The following PCNT variants were observed in gnomAD, a reference collection of about 807,000 sequenced individuals.
The protein encoded by PCNT is kendrin.
In PCNT, 319 loss-of-function variants were observed where a neutral mutation model predicts 380.4. The ratio of observed to expected loss-of-function variants is 0.84; its 90% CI spans 0.77 to 0.92. The LOEUF (loss-of-function observed/expected upper bound fraction) is 0.92. Among genes scored for constraint, PCNT ranks in the 40% least tolerant of loss-of-function variants. PCNT has a pLI of 0.00. For synonymous variants in PCNT, 1,845 were observed against 1,735.2 expected (o/e 1.06, Z -1.57); for missense variants, 4,400 against 4,255.3 (o/e 1.03, Z -0.95).
At chr21:46,399,536 T>C in intron 24 of PCNT, 54 bp from the exon 25 acceptor site, 1 of 1,385,716 alleles carries the variant, frequency 7.2e-7, no homozygotes, top group Admixed American at 1.7e-5. Context: ...GTTTGGAAAA[T>C]GGGTTTTTAT....
At chr21:46,428,056 C>T (rs1201631751) in intron 34 of PCNT, among the ~76,000 whole-genome samples, 3 of 152,206 alleles carry the variant, frequency 2.0e-5, no homozygotes, top group Non-Finnish European at 4.4e-5. Flanking sequence ...GCTAAAGAAA[C>T]GTTCTCCATT....
chr21:46,326,700 A>G, intron 2 of PCNT, 111 bp downstream of exon 2: 3 of 1,162,718 alleles, frequency 2.6e-6, no homozygotes, highest in Non-Finnish European at 2.5e-6. Context: ...AAGTGAGGAA[A>G]GAGGGTGTTA....
intron 3 of PCNT, among the ~76,000 whole-genome samples, chr21:46,338,983 T>C (rs1042017282): frequency 6.6e-6 from 1 of 152,210 alleles, no homozygotes; most frequent in African/African-American, 2.4e-5. Context: ...GGTTTCACCA[T>C]GTTGGCCAGG....
intron 3 of PCNT, among the ~76,000 whole-genome samples, chr21:46,342,211 A>AT (rs2083928600): frequency 6.6e-6 from 1 of 152,042 alleles, no homozygotes; most frequent in Admixed American, 6.6e-5. Flanking sequence ...GGCTTAAGTG[A>AT]TTCTCCTGCC....
At chr21:46,370,883 A>T (rs1052582187) in intron 15 of PCNT, among the ~76,000 whole-genome samples, 1 of 152,120 alleles carries the variant, frequency 6.6e-6, no homozygotes, top group Non-Finnish European at 1.5e-5. Flanking sequence ...AAAATACAAA[A>T]AATTAGACAG....
Position 46,381,721 on chromosome 21 carries a change from G to C in PCNT, c.3193G>C (p.Ala1065Pro). The C allele has an allele frequency of 1.9e-6, 3 of 1,614,106 alleles. No homozygotes were observed. Among genetic ancestry groups the C allele is most frequent in the Non-Finnish European group, 2.5e-6 (3 of 1,179,944 alleles). ...TGAATTTGGAAGTGAAAAGAAAACT[G>C]CTTTGCATGAAAAAGAGGAGACACT... ...QGEFGSEKKT[A>P]LHEKEETLRL... Residue 1065 changes from alanine (A) to proline (P), a missense_variant, in exon 16 of 47, where the codon GCT becomes CCT. Transcript: ENST00000359568.
At chr21:46,399,485 T>C in intron 24 of PCNT, 105 bp from the exon 25 acceptor site, 2 of 816,596 alleles carry the variant, frequency 2.4e-6, no homozygotes, top group Non-Finnish European at 4.2e-6. Flanking sequence ...GGGGAGGGCA[T>C]AGGGCATCTA....
intron 2 of PCNT, among the ~76,000 whole-genome samples, chr21:46,327,696 G>A (rs2083436214): frequency 6.6e-6 from 1 of 152,268 alleles, no homozygotes; most frequent in South Asian, 2.1e-4. Context: ...TTTGATGGGT[G>A]TTTCTTGGGA....
At position 46,337,618 on chromosome 21, in the gene PCNT, T is replaced by C. The variant is rs563439959; in HGVS notation, c.639+2850T>C. On this transcript the variant is annotated intron_variant, in intron 3 of 46. Transcript: ENST00000359568. ...GTTTTTTGAGATGGAGTTTCGCTCT[T>C]GTTGCCCAGGCTGGAGTGCAGTGGC... 5.3e-5 allele frequency among the ~76,000 whole-genome samples: 8 copies of C among 152,298 alleles called. No homozygotes were observed. In the East Asian group the frequency reaches 1.5e-3, roughly 29 times the overall value.
At chr21:46,329,440 T>G (rs2083486852) in intron 2 of PCNT, among the ~76,000 whole-genome samples, 3 of 152,252 alleles carry the variant, frequency 2.0e-5, no homozygotes, top group Admixed American at 2.0e-4. Context: ...TTTTTGGTAT[T>G]TCCTACAATA....
intron 13 of PCNT, among the ~76,000 whole-genome samples, chr21:46,361,560 C>G (rs2084717915): frequency 1.3e-5 from 2 of 152,302 alleles, no homozygotes; most frequent in South Asian, 4.1e-4. Context: ...GACTAGACAT[C>G]ACATCCGCCT....
chr21:46,328,334 C>T (rs2083452628), intron 2 of PCNT, among the ~76,000 whole-genome samples: 1 of 151,668 alleles, frequency 6.6e-6, no homozygotes, highest in South Asian at 2.1e-4. Context: ...GCGAACTCTG[C>T]TCAGTGCAAC....
chr21:46,347,192 T>C (rs2084100272), intron 5 of PCNT, among the ~76,000 whole-genome samples, 194 bp downstream of exon 5: 1 of 152,078 alleles, frequency 6.6e-6, no homozygotes, highest in Admixed American at 6.5e-5. Context: ...GGCCAGGAGA[T>C]TATTAGAGCA....
Position 46,355,462 on chromosome 21 carries a change from C to A in PCNT, c.1772C>A (p.Pro591Gln). 1 of 1,613,872 alleles carries A rather than the reference C, an allele frequency of 6.2e-7. No homozygotes were observed. The highest frequency in any genetic ancestry group is 8.5e-7 in the Non-Finnish European group (1 of 1,180,020). ...LEPERHKESL[P>Q]RFQAELEESH... ...GTGGTTTCTCTGTAGGAGAGCCTGC[C>A]ACGCTTCCAGGCGGAGTTAGAAGAA... The change falls in exon 12 of 47, where the codon CCA becomes CAA. Residue 591 changes from proline to glutamine, a missense_variant. Transcript: ENST00000359568.
Position 46,442,382 on chromosome 21 carries a change from C to T in PCNT, c.9624-115C>T, listed in dbSNP as rs762521520. On this transcript the variant is annotated intron_variant, in intron 43 of 46. Transcript: ENST00000359568. The stretch of plus-strand genomic sequence containing the variant: ...GACTGGCCGACCTTGGCGTCCTGGT[C>T]CCCATGGGCAGCGAGGCCCCCATTC... 10 of 724,210 alleles carry T rather than the reference C, an allele frequency of 1.4e-5. No homozygotes were observed. The East Asian group carries it at 1.6e-4, about 12-fold the overall frequency. The allele number at this position is 724,210 out of a possible 1,614,324, so 44.9% of individuals were successfully genotyped here. A position where few individuals can be genotyped will look rare whatever the true frequency, so the allele number is the denominator to read the frequency against.
chr21:46,416,679 G>A lies in PCNT; in HGVS notation c.6761G>A (p.Cys2254Tyr), dbSNP rs141635334. ...VTPHSGALSL[C>Y]SADTSLGDRA... is the part of the protein sequence containing the mutation. ...CCCCACTCAGGAGCCCTGAGCCTGT[G>A]CAGTGCCGACACATCCCTGGGGGAC... The change falls in exon 30 of 47, where the codon TGC becomes TAC. Residue 2254 changes from cysteine to tyrosine, a missense_variant. By Grantham distance (194) the Cys-to-Tyr change is radical. Coordinates refer to ENST00000359568, the MANE Select transcript of PCNT (RefSeq NM_006031.6). 6.6e-4 allele frequency: 1,028 copies of A among 1,565,204 alleles called. 12 individuals are homozygous for A. Among genetic ancestry groups the A allele is most frequent in the Non-Finnish European group, 1.6e-4 (188 of 1,156,238 alleles).
rs1174601545 is a variant in PCNT at position 46,412,835 on chromosome 21, A to C, written c.5995-2A>C. On this transcript the variant is annotated splice_acceptor_variant, in intron 28 of 46. Transcript: ENST00000359568. LOFTEE classifies it high-confidence loss of function. ...CAGCTTTCCTCTGTCTCCTCTGTCA[A>C]GGGTGATCTGCAGCCTGTCCTGGTG... 17 of 1,611,094 alleles carry C rather than the reference A, an allele frequency of 1.1e-5. No individual in the cohort carries two copies. In the South Asian group the frequency reaches 1.6e-4, roughly 16 times the overall value.
rs533124864 is a variant in PCNT, at chr21:46,352,671, C to T, written c.1457-433C>T. 1.4e-4 allele frequency among the ~76,000 whole-genome samples: 22 copies of T among 152,318 alleles called. No homozygotes were observed. In the South Asian group the frequency reaches 3.7e-3, roughly 26 times the overall value. ...TGGTGGCCTAAAACAACACAGTTGT[C>T]AGCTTACAGAAAGTCCAAGATGGTA... On this transcript the variant is annotated intron_variant, in intron 9 of 46. Coordinates refer to ENST00000359568, the MANE Select transcript of PCNT (RefSeq NM_006031.6).
Position 46,388,810 on chromosome 21 carries a change from C to T in PCNT, c.3533C>T (p.Thr1178Ile). 1 of 1,613,418 alleles carries T rather than the reference C, an allele frequency of 6.2e-7. No individual in the cohort carries two copies. Among genetic ancestry groups the T allele is most frequent in the Non-Finnish European group, 8.5e-7 (1 of 1,179,972 alleles). Reference protein sequence around the residue: ...LFGETLRAAVTLRSRIGERVG... With the variant: ...LFGETLRAAVILRSRIGERVG... ...GGAGAGACGCTGAGGGCAGCCGTCACCCTGAGGAGCCGGATCGGGGAGCGC... is the reference window on the plus strand; with the variant it reads ...GGAGAGACGCTGAGGGCAGCCGTCATCCTGAGGAGCCGGATCGGGGAGCGC... Residue 1178 changes from threonine (T) to isoleucine (I), a missense_variant, in exon 18 of 47, where the codon ACC becomes ATC. By Grantham distance (89) the Thr-to-Ile change is moderately conservative. Transcript: ENST00000359568. This position sits in a 1 kb window ranked among gnomAD's most constrained non-coding sequence, Gnocchi z 4.2.
Sources: gnomAD v4.1 joint callset for allele counts (sites outside exome capture counted in the v4.1 genomes callset) on GRCh38, gnomAD v4.1.1 for gene constraint, Gnocchi (gnomAD v3.1) non-coding constraint, MANE v1.5 for transcripts, NCBI Gene and HGNC (gene_info 2026-07-23, HGNC 2026-07-21) for gene names.